RANBP17: variants seen among roughly 807,000 people sequenced by gnomAD.
The protein encoded by RANBP17 is RAN binding protein 17.
In RANBP17, 158 loss-of-function variants were observed where a neutral mutation model predicts 141.2. The ratio of observed to expected loss-of-function variants is 1.12; its 90% CI spans 0.98 to 1.28. RANBP17 has a LOEUF of 1.28. RANBP17 is among the 50% of genes most tolerant of loss of function. The pLI is 0.00. For missense variants in RANBP17, 1,438 were observed against 1,290.7 expected (o/e 1.11, Z -1.75); for synonymous variants, 430 against 450.0 (o/e 0.96, Z 0.56).
At position 171,183,389 on chromosome 5, in the gene RANBP17, C is replaced by T. The variant is rs111781173; in HGVS notation, c.1997C>T (p.Thr666Ile). The change falls in exon 18 of 28, where the codon ACC (threonine) becomes ATC (isoleucine). Residue 666 changes from threonine (T) to isoleucine (I), a missense_variant. Physicochemically the swap from Thr to Ile is moderately conservative, Grantham distance 89. Transcript: ENST00000523189. ...HSLSDFRCRT[T>I]FYTALTRLLM... ...CTCAGCGACTTCAGGTGTCGAACAA[C>T]CTTCTACACAGCGCTCACTCGCCTT... The T allele has an allele frequency of 2.9e-5, 47 of 1,613,824 alleles. 2 individuals carry two copies. The African/African-American group carries it at 4.1e-4, about 14-fold the overall frequency.
intron 14 of RANBP17, among the ~76,000 whole-genome samples, chr5:170,982,883 T>C (rs1777870530): frequency 6.6e-6 from 1 of 152,196 alleles, no homozygotes; most frequent in Non-Finnish European, 1.5e-5. Context: ...GAAAATTACA[T>C]TGGTCTTCTC....
At chr5:170,968,819 G>C (rs1443049097) in intron 14 of RANBP17, 1 of 423,818 alleles carries the variant, frequency 2.4e-6, no homozygotes, top group East Asian at 7.1e-5. Flanking sequence ...GTCCTTAGGA[G>C]ACTGCATATA....
chr5:170,966,525 G>C (rs1166200414), intron 13 of RANBP17, among the ~76,000 whole-genome samples: 1 of 152,120 alleles, frequency 6.6e-6, no homozygotes, highest in African/African-American at 2.4e-5. Flanking sequence ...AATAAATTAG[G>C]TATTGATGGG....
chr5:170,916,447 T>G lies in RANBP17; in HGVS notation c.835-18T>G, dbSNP rs778247180. 1.3e-6 allele frequency: 2 copies of G among 1,510,772 alleles called. No homozygotes were observed. Among genetic ancestry groups the G allele is most frequent in the East Asian group, 2.4e-5 (1 of 42,412 alleles). The allele number at this position is 1,510,772 out of a possible 1,614,324, so 93.6% of individuals were successfully genotyped here. The stretch of plus-strand genomic sequence containing the variant: ...GATACTTTGAAAATTGAAATGAAAT[T>G]TTTTTGGTATTTTTTAGGCACTTTC... On this transcript the variant is annotated intron_variant, in intron 8 of 27. Coordinates refer to ENST00000523189, the MANE Select transcript of RANBP17 (RefSeq NM_022897.5).
intron 26 of RANBP17, among the ~76,000 whole-genome samples, chr5:171,295,104 T>C (rs1483141351): frequency 2.6e-5 from 4 of 152,230 alleles, no homozygotes; most frequent in African/African-American, 9.6e-5. Context: ...TAATGTATGA[T>C]GGAAATTAAA....
chr5:170,893,724 C>T (rs1031834853), intron 4 of RANBP17, among the ~76,000 whole-genome samples: 3 of 151,306 alleles, frequency 2.0e-5, no homozygotes, highest in African/African-American at 4.9e-5. Flanking sequence ...ACCCGGTAGA[C>T]GGAGCTTGCA....
intron 14 of RANBP17, among the ~76,000 whole-genome samples, chr5:171,026,312 C>T (rs893303865): frequency 1.3e-5 from 2 of 152,180 alleles, no homozygotes; most frequent in Non-Finnish European, 2.9e-5. Flanking sequence ...GGGAAACAGG[C>T]TCAGAGAAGG....
chr5:171,227,989 C>G (rs1763981111), intron 22 of RANBP17, among the ~76,000 whole-genome samples: 1 of 152,180 alleles, frequency 6.6e-6, no homozygotes, highest in Non-Finnish European at 1.5e-5. Flanking sequence ...ACCTCGTCAC[C>G]CAGGAGCTCT....
At chr5:171,147,602 G>C (rs963257375) in intron 14 of RANBP17, among the ~76,000 whole-genome samples, 1 of 151,948 alleles carries the variant, frequency 6.6e-6, no homozygotes, top group African/African-American at 2.4e-5. Context: ...TTTTGGTAGA[G>C]ATGGGGTTTC....
intron 14 of RANBP17, among the ~76,000 whole-genome samples, chr5:171,143,697 G>A (rs1387200636): frequency 1.3e-5 from 2 of 152,168 alleles, no homozygotes. Context: ...ACAGATGAGT[G>A]GAAGAGACAG....
chr5:171,065,439 A>C (rs1158283642), intron 14 of RANBP17, among the ~76,000 whole-genome samples: 3 of 152,096 alleles, frequency 2.0e-5, no homozygotes, highest in Non-Finnish European at 4.4e-5. Context: ...CTCCTGTGAT[A>C]ATCTAATGCT....
intron 14 of RANBP17, among the ~76,000 whole-genome samples, chr5:171,083,325 C>G (rs577618948): frequency 6.6e-6 from 1 of 152,176 alleles, no homozygotes; most frequent in African/African-American, 2.4e-5. Flanking sequence ...AAAGCTAGCC[C>G]ACTCCTTCCA....
At chr5:171,128,157 C>CAA (rs199528889) in intron 14 of RANBP17, among the ~76,000 whole-genome samples, 1 of 149,278 alleles carries the variant, frequency 6.7e-6, no homozygotes, top group African/African-American at 2.5e-5. Flanking sequence ...GACTCCGTCT[C>CAA]AAAAAAAAAG....
intron 18 of RANBP17, among the ~76,000 whole-genome samples, chr5:171,186,266 T>C (rs1761227127): frequency 1.3e-5 from 2 of 152,154 alleles, no homozygotes; most frequent in African/African-American, 4.8e-5. Context: ...AAAATCTGTT[T>C]AGTGCAGCCA....
chr5:170,968,306 C>T lies in RANBP17; in HGVS notation c.1639C>T (p.Leu547Phe), dbSNP rs1776736596. 1.2e-6 allele frequency: 2 copies of T among 1,608,310 alleles called. No individual in the cohort carries two copies. The highest frequency in any genetic ancestry group is 2.7e-5 in the African/African-American group (2 of 74,572). ...TCGATGTTGTAATGAGAAAATAGAG[C>T]TTGCAATTCTGTGGTTCTTGGATCA... The part of the protein sequence containing the change: ...LPRCCNEKIE[L>F]AILWFLDQFR... Residue 547 changes from leucine to phenylalanine, a missense_variant, in exon 14 of 28, where the codon CTT becomes TTT. Leu to Phe is a conservative substitution (Grantham distance 22, BLOSUM62 0). Coordinates refer to ENST00000523189, the MANE Select transcript of RANBP17 (RefSeq NM_022897.5).
At chr5:171,167,060 A>G (rs1374426021) in intron 14 of RANBP17, among the ~76,000 whole-genome samples, 2 of 152,228 alleles carry the variant, frequency 1.3e-5, no homozygotes, top group Non-Finnish European at 2.9e-5. Context: ...TGCAAGTTAC[A>G]AGGATAATTG....
chr5:170,968,572 G>T (rs1031545941), intron 14 of RANBP17, 195 bp downstream of exon 14: 5 of 626,690 alleles, frequency 8.0e-6, no homozygotes, highest in Middle Eastern at 2.7e-4. Context: ...TTTAAAGATT[G>T]AGTGGCAGAG....
intron 8 of RANBP17, among the ~76,000 whole-genome samples, chr5:170,915,516 T>G (rs1170193223): frequency 6.6e-6 from 1 of 152,058 alleles, no homozygotes; most frequent in East Asian, 1.9e-4. Context: ...TAAGGAGTTT[T>G]TTGTTTTTGT....
At position 171,120,997 on chromosome 5, in the gene RANBP17, T is replaced by G. The variant is rs551225383; in HGVS notation, c.1711-49133T>G. On this transcript the variant is annotated intron_variant, in intron 14 of 27. Coordinates refer to ENST00000523189, the MANE Select transcript of RANBP17 (RefSeq NM_022897.5). ...GTGAATTCTGTGTAGCTTCTTTAGC[T>G]GTAATCCACGCTAGTCGTGTATGCA... is the stretch of plus-strand genomic sequence containing the variant. Among the ~76,000 whole-genome samples, 17 of 152,352 alleles carry G rather than the reference T, an allele frequency of 1.1e-4. No individual in the cohort carries two copies. The South Asian group carries it at 3.3e-3, about 30-fold the overall frequency.
Sources: allele counts gnomAD v4.1 joint callset (sites outside exome capture counted in the v4.1 genomes callset), GRCh38; gene constraint gnomAD v4.1.1; transcripts MANE v1.5; gene names NCBI Gene and HGNC (gene_info 2026-07-23, HGNC 2026-07-21).